STK33: variants seen among roughly 807,000 people sequenced by gnomAD.
STK33 encodes serine/threonine-protein kinase 33.
STK33 carries 52 observed loss-of-function variants against 58.0 expected under a neutral mutation model. The ratio of observed to expected loss-of-function variants is 0.90; its 90% CI spans 0.72 to 1.13. The LOEUF is 1.13. Ranked by LOEUF, STK33 falls within the 50% of genes most tolerant of loss-of-function variation. The pLI is 0.00. For synonymous variants in STK33, 215 were observed against 200.1 expected, an observed-to-expected ratio of 1.07 and a Z score of -0.63; for missense variants, 630 against 604.2, an observed-to-expected ratio of 1.04 and a Z score of -0.45.
intron 6 of STK33, among the ~76,000 whole-genome samples, chr11:8,468,646 T>C (rs1948466845): frequency 6.6e-6 from 1 of 152,234 alleles, no homozygotes; most frequent in African/African-American, 2.4e-5. Flanking sequence ...CTAAAGGTGC[T>C]GTTTCTTTTG....
chr11:8,401,667 A>C (rs916941567), intron 15 of STK33, among the ~76,000 whole-genome samples: 10 of 152,244 alleles, frequency 6.6e-5, no homozygotes, highest in Non-Finnish European at 1.2e-4. Context: ...AGAAACTACC[A>C]TCAGAGTGAA....
At chr11:8,466,527 A>T (rs974546676) in intron 6 of STK33, 1 of 152,204 alleles carries the variant, frequency 6.6e-6, no homozygotes, top group African/African-American at 2.4e-5. Context: ...AGGTTCCCAT[A>T]GTCTTGGGCA....
chr11:8,507,265 A>G (rs1951931991), intron 1 of STK33, among the ~76,000 whole-genome samples: 1 of 152,098 alleles, frequency 6.6e-6, no homozygotes, highest in South Asian at 2.1e-4. Flanking sequence ...TTTCTACGAT[A>G]CCCAAAGATT....
At chr11:8,441,921 T>C (rs1239077512) in intron 11 of STK33, among the ~76,000 whole-genome samples, 3 of 152,056 alleles carry the variant, frequency 2.0e-5, no homozygotes, top group Non-Finnish European at 2.9e-5. Flanking sequence ...GTTTCACATA[T>C]ATTAAGTGAC....
intron 14 of STK33, among the ~76,000 whole-genome samples, chr11:8,422,645 T>G (rs1200087900): frequency 6.6e-6 from 1 of 152,178 alleles, no homozygotes; most frequent in Non-Finnish European, 1.5e-5. Context: ...AGTTTTCTAT[T>G]TATTAAGACT....
At chr11:8,361,698 T>C in the STK33 span, among the ~76,000 whole-genome samples, 119,965 of 152,130 alleles carry the variant, frequency 0.79, 47,952 homozygotes, top group East Asian at 0.89. This position sits in a 1 kb window ranked among gnomAD's most constrained non-coding sequence, Gnocchi z 4.8. Flanking sequence ...CACCAGCTGC[T>C]CACCTTGGGC....
chr11:8,482,621 A>G lies in STK33; in HGVS notation c.-465-2007T>C, dbSNP rs1949896193. Among the ~76,000 whole-genome samples the G allele has an allele frequency of 2.0e-5, 3 of 152,214 alleles. No homozygotes were observed. The South Asian group carries it at 6.2e-4, about 32-fold the overall frequency. Reference sequence around the variant, plus strand: ...GGACACATACAATTTTTAGAATGAGAGATACCAGGGTTTGAATTCTACTCC... The same window carrying G: ...GGACACATACAATTTTTAGAATGAGGGATACCAGGGTTTGAATTCTACTCC... On this transcript the variant is annotated intron_variant, in intron 1 of 15. Transcript: ENST00000687296.
intron 1 of STK33, among the ~76,000 whole-genome samples, chr11:8,490,945 A>G (rs1950564889): frequency 6.6e-6 from 1 of 152,240 alleles, no homozygotes; most frequent in African/African-American, 2.4e-5. Flanking sequence ...GGTCACCAAC[A>G]TCAAAGACCA....
intron 2 of STK33, 143 bp from the exon 3 acceptor site, chr11:8,477,426 T>C (rs917584856): frequency 1.3e-5 from 2 of 152,168 alleles, no homozygotes; most frequent in African/African-American, 2.4e-5. Context: ...AGAAGTCCCA[T>C]GTCAGATGTG....
chr11:8,392,591 G>A lies in STK33; in HGVS notation c.1464C>T (p.Thr488=), dbSNP rs1564833699. 2.5e-6 allele frequency: 4 copies of A among 1,614,178 alleles called. No individual in the cohort carries two copies. Among genetic ancestry groups the A allele is most frequent in the African/African-American group, 1.3e-5 (1 of 75,028 alleles). ...CTGTTCCTTGGCTTGGAGTCACAGG[G>A]GTTTTCTCCATTTCTCCCTTGATTT... ...PAEIKGEMEK[T]PVTPSQGTAT... The change falls in exon 16 of 16, where the codon ACC becomes ACT. Residue 488 remains threonine, a synonymous_variant. Transcript: ENST00000687296.
At chr11:8,412,594 C>T (rs1371126010) in intron 15 of STK33, among the ~76,000 whole-genome samples, 1 of 152,166 alleles carries the variant, frequency 6.6e-6, no homozygotes, top group Non-Finnish European at 1.5e-5. Context: ...AGGATTTACC[C>T]TGGCAGTCCC....
intron 2 of STK33, among the ~76,000 whole-genome samples, chr11:8,478,801 C>T (rs1214602464): frequency 6.6e-6 from 1 of 151,122 alleles, no homozygotes; most frequent in Non-Finnish European, 1.5e-5. Flanking sequence ...AGCCAAATGA[C>T]TGACTGCTTT....
chr11:8,453,838 T>C (rs1407849177), intron 10 of STK33, among the ~76,000 whole-genome samples: 1 of 152,218 alleles, frequency 6.6e-6, no homozygotes, highest in Admixed American at 6.5e-5. Context: ...CTCCATTAGT[T>C]TTCACAAACA....
At chr11:8,569,948 C>CA (rs954787274) in intron 1 of STK33, among the ~76,000 whole-genome samples, 2 of 151,442 alleles carry the variant, frequency 1.3e-5, no homozygotes, top group African/African-American at 2.4e-5. Flanking sequence ...GACCCTGTCT[C>CA]AAAAAAATAA....
chr11:8,584,806 C>A (rs929349404), intron 1 of STK33, among the ~76,000 whole-genome samples: 1 of 152,084 alleles, frequency 6.6e-6, no homozygotes. Context: ...AAGGTCATAA[C>A]CCTAAGGTAA....
At chr11:8,523,944 T>C (rs959448688) in intron 1 of STK33, among the ~76,000 whole-genome samples, 6 of 152,206 alleles carry the variant, frequency 3.9e-5, no homozygotes, top group Non-Finnish European at 8.8e-5. Context: ...GAAGCAGACA[T>C]GGGAGACTCC....
chr11:8,499,758 A>C (rs1334767024), intron 1 of STK33, among the ~76,000 whole-genome samples: 1 of 152,188 alleles, frequency 6.6e-6, no homozygotes, highest in African/African-American at 2.4e-5. Flanking sequence ...GGATGAGTTC[A>C]TGTCCTTTGC....
At chr11:8,590,072 T>A (rs2032353100) in intron 1 of STK33, among the ~76,000 whole-genome samples, 1 of 152,178 alleles carries the variant, frequency 6.6e-6, no homozygotes, top group Non-Finnish European at 1.5e-5. Flanking sequence ...ATGGATTTTC[T>A]CCCAGTGAGC....
the STK33 span, among the ~76,000 whole-genome samples, chr11:8,343,158 C>T: frequency 6.6e-6 from 1 of 152,250 alleles, no homozygotes; most frequent in Non-Finnish European, 1.5e-5. Context: ...GACAGAGCCC[C>T]AGTGGGAGCG....
Sources: allele counts gnomAD v4.1 joint callset (sites outside exome capture counted in the v4.1 genomes callset), GRCh38; gene constraint gnomAD v4.1.1; non-coding constraint Gnocchi (gnomAD v3.1); transcripts MANE v1.5; gene names NCBI Gene and HGNC (gene_info 2026-07-23, HGNC 2026-07-21).